TNPO1: variants seen among roughly 807,000 people sequenced by gnomAD.
TNPO1 encodes transportin 1, also known as transportin-1.
Under a neutral mutation model 119.5 loss-of-function variants are expected in TNPO1, and 8 were observed. The ratio of observed to expected loss-of-function variants is 0.07; its 90% CI spans 0.04 to 0.12. The LOEUF (loss-of-function observed/expected upper bound fraction) is 0.12, where lower values mean the gene tolerates loss of function less well. Among genes scored for constraint, TNPO1 ranks in the 10% least tolerant of loss-of-function variants. The pLI, the probability that TNPO1 is intolerant of heterozygous loss-of-function variation, is 1.00. For synonymous variants in TNPO1, 362 were observed against 363.0 expected, an observed-to-expected ratio of 1.00 and a Z score of 0.03; for missense variants, 576 against 1,089.8, an observed-to-expected ratio of 0.53 and a Z score of 6.64.
chr5:72,835,546 T>A (rs1231183303), intron 1 of TNPO1, among the ~76,000 whole-genome samples: 1 of 152,160 alleles, frequency 6.6e-6, no homozygotes, highest in East Asian at 1.9e-4. Flanking sequence ...ACTGGCTCCC[T>A]TAAGCCATTT....
chr5:72,911,168 A>G lies in TNPO1; in HGVS notation c.*2495A>G, dbSNP rs928399343. 2.0e-5 allele frequency: 3 copies of G among 152,118 alleles called. No homozygotes were observed. The highest frequency in any genetic ancestry group is 2.9e-5 in the Non-Finnish European group (2 of 67,962). 9.4% of individuals were successfully genotyped at this position (152,118 alleles called of 1,614,324 possible). ...ACCAAATTCGATTTAAAACAAACACATAACAATCTTCAGTAAAGTTATTTG... is the reference window on the plus strand; with the variant it reads ...ACCAAATTCGATTTAAAACAAACACGTAACAATCTTCAGTAAAGTTATTTG... On this transcript the variant is annotated 3_prime_UTR_variant, in exon 25 of 25. Coordinates refer to ENST00000337273, the MANE Select transcript of TNPO1 (RefSeq NM_002270.4).
At chr5:72,842,649 T>C (rs1744964680) in intron 1 of TNPO1, among the ~76,000 whole-genome samples, 1 of 152,218 alleles carries the variant, frequency 6.6e-6, no homozygotes, top group Non-Finnish European at 1.5e-5. Flanking sequence ...CAGTTAGGTC[T>C]TCCTATGGCT....
chr5:72,892,494 G>A (rs996832359), intron 15 of TNPO1, among the ~76,000 whole-genome samples: 2 of 151,918 alleles, frequency 1.3e-5, no homozygotes, highest in Non-Finnish European at 2.9e-5. Flanking sequence ...ATGACCAAGA[G>A]CAATTCTGGG....
At chr5:72,851,193 T>C (rs1443517321) in intron 2 of TNPO1, 51 bp from the exon 3 acceptor site, 1 of 1,129,500 alleles carries the variant, frequency 8.9e-7, no homozygotes. Context: ...AAATGCTTAA[T>C]TTCTTCCTGA....
intron 9 of TNPO1, among the ~76,000 whole-genome samples, chr5:72,880,773 G>A (rs1008077833): frequency 2.9e-5 from 4 of 138,858 alleles, no homozygotes; most frequent in Non-Finnish European, 6.0e-5. Flanking sequence ...CCAAGATCGT[G>A]CCATTGCACT....
chr5:72,853,045 T>C (rs1745706527), intron 3 of TNPO1, among the ~76,000 whole-genome samples: 1 of 152,252 alleles, frequency 6.6e-6, no homozygotes. Flanking sequence ...CATGTTCTTA[T>C]CCTACATTCC....
intron 1 of TNPO1, among the ~76,000 whole-genome samples, chr5:72,827,307 A>T (rs1457909491): frequency 6.6e-6 from 1 of 152,148 alleles, no homozygotes; most frequent in Non-Finnish European, 1.5e-5. Context: ...TGTGATGAGG[A>T]TATAAGATCT....
intron 24 of TNPO1, among the ~76,000 whole-genome samples, chr5:72,908,046 C>A (rs1414929962): frequency 6.6e-6 from 1 of 152,118 alleles, no homozygotes; most frequent in African/African-American, 2.4e-5. Flanking sequence ...GAGCAAGGTG[C>A]TATCTCCAAA....
rs141075206 is a variant in TNPO1 at position 72,861,569 on chromosome 5, T to C, written c.356-239T>C. Among the ~76,000 whole-genome samples the C allele has an allele frequency of 3.0e-3, 458 of 152,154 alleles. 2 individuals carry two copies. The highest frequency in any genetic ancestry group is 0.02 in the Middle Eastern group (6 of 294). On this transcript the variant is annotated intron_variant, in intron 4 of 24. Transcript: ENST00000337273. ...GGCGCATACCATCACGCCCAGCTGA[T>C]TTTCTTGTATTTTTAGTAGTGAGAG...
In TNPO1 at chr5:72,913,365, T is replaced by A. The variant is rs1436010334; in HGVS notation, c.*4692T>A. The stretch of plus-strand genomic sequence containing the variant: ...GATAATTCTTTATGCCTAGTTATTA[T>A]ACATATTAATTTTTAAGGTATACAT... On this transcript the variant is annotated 3_prime_UTR_variant, in exon 25 of 25. Coordinates refer to ENST00000337273, the MANE Select transcript of TNPO1 (RefSeq NM_002270.4). 1 of 152,398 alleles carries A rather than the reference T, an allele frequency of 6.6e-6. No individual in the cohort carries two copies. Among genetic ancestry groups the A allele is most frequent in the Non-Finnish European group, 1.5e-5 (1 of 67,928 alleles). 9.4% of individuals were successfully genotyped at this position (152,398 alleles called of 1,614,324 possible).
chr5:72,852,384 C>A lies in TNPO1; in HGVS notation c.205+1065C>A, dbSNP rs557523811. Among the ~76,000 whole-genome samples the A allele has an allele frequency of 1.4e-4, 21 of 152,214 alleles. 1 individual carries two copies. In the South Asian group the frequency reaches 1.9e-3, roughly 14 times the overall value. On this transcript the variant is annotated intron_variant, in intron 3 of 24. Transcript: ENST00000337273. ...AGGAGAGAAAGGTGAACAAAACAGA[C>A]AAAAATCACTGCCCTCAAGGAGCTT...
chr5:72,844,187 G>T (rs951401298), intron 1 of TNPO1, among the ~76,000 whole-genome samples: 2 of 152,148 alleles, frequency 1.3e-5, no homozygotes, highest in South Asian at 4.1e-4. Flanking sequence ...CAATATGACA[G>T]TTTCTAGAAT....
chr5:72,892,529 A>G (rs985301038), intron 15 of TNPO1, among the ~76,000 whole-genome samples: 5 of 152,096 alleles, frequency 3.3e-5, no homozygotes, highest in African/African-American at 1.2e-4. Context: ...AAGAATCATT[A>G]TGGTTCATTT....
rs370510843 is a variant in TNPO1 at position 72,851,205 on chromosome 5, A to G, written c.130-39A>G. On this transcript the variant is annotated intron_variant, in intron 2 of 24. Coordinates refer to ENST00000337273, the MANE Select transcript of TNPO1 (RefSeq NM_002270.4). ...TTAAAATGCTTAATTTCTTCCTGAG[A>G]TTACACAGAGAAGTTTCCTTAACTA... is the stretch of plus-strand genomic sequence containing the variant. 2.2e-5 allele frequency: 27 copies of G among 1,225,828 alleles called. No individual in the cohort carries two copies. The African/African-American group carries it at 3.2e-4, about 14-fold the overall frequency. The allele number at this position is 1,225,828 out of a possible 1,614,324, so 75.9% of individuals were successfully genotyped here.
chr5:72,845,840 G>A (rs1275005769), intron 1 of TNPO1, among the ~76,000 whole-genome samples: 2 of 152,174 alleles, frequency 1.3e-5, no homozygotes, highest in African/African-American at 2.4e-5. Flanking sequence ...AGACTTGACT[G>A]CTATTGGTCC....
chr5:72,821,867 G>A (rs942036745), intron 1 of TNPO1, among the ~76,000 whole-genome samples: 42 of 152,150 alleles, frequency 2.8e-4, no homozygotes, highest in Non-Finnish European at 8.8e-5. Context: ...ACTCTTAAGC[G>A]GTTCAGGGGC....
At chr5:72,816,887 G>A (rs1369906096) in intron 1 of TNPO1, 135 bp downstream of exon 1, 11 of 1,147,408 alleles carry the variant, frequency 9.6e-6, no homozygotes, top group Non-Finnish European at 2.4e-6. Context: ...GCCGTTTGAA[G>A]CCGAGAGGCA....
At chr5:72,851,348 T>A in intron 3 of TNPO1, 29 bp downstream of exon 3, 1 of 1,320,826 alleles carries the variant, frequency 7.6e-7, no homozygotes, top group Non-Finnish European at 1.1e-6. Flanking sequence ...GATAACTATT[T>A]AAAGTTTCTT....
intron 9 of TNPO1, chr5:72,878,493 G>A (rs1747986041): frequency 6.8e-6 from 1 of 146,440 alleles, no homozygotes. Flanking sequence ...ATAGTAAAGG[G>A]TTTTTTTTTT....
Sources: gnomAD v4.1 joint callset for allele counts (sites outside exome capture counted in the v4.1 genomes callset) on GRCh38, gnomAD v4.1.1 for gene constraint, MANE v1.5 for transcripts, NCBI Gene and HGNC (gene_info 2026-07-23, HGNC 2026-07-21) for gene names.